The following CACNA2D3 variants were observed in gnomAD, a reference collection of about 807,000 sequenced individuals.
CACNA2D3 encodes the protein voltage-dependent calcium channel subunit alpha-2/delta-3.
Under a neutral mutation model 160.6 loss-of-function variants are expected in CACNA2D3, and 60 were observed. The ratio of observed to expected loss-of-function variants is 0.37; its 90% CI spans 0.30 to 0.46. The LOEUF (loss-of-function observed/expected upper bound fraction) is 0.46, where lower values mean the gene tolerates loss of function less well. Among genes scored for constraint, CACNA2D3 ranks in the 20% least tolerant of loss-of-function variants. The probability of loss-of-function intolerance (pLI) is 1.00; values close to 1 mark genes in which losing one functional copy is unlikely to be tolerated. For synonymous variants in CACNA2D3, 558 were observed against 492.9 expected, an observed-to-expected ratio of 1.13 and a Z score of -1.75; for missense variants, 1,205 against 1,365.0, an observed-to-expected ratio of 0.88 and a Z score of 1.85.
chr3:54,222,241 A>G (rs967189871), intron 2 of CACNA2D3, among the ~76,000 whole-genome samples: 3 of 152,216 alleles, frequency 2.0e-5, no homozygotes, highest in Non-Finnish European at 2.9e-5. Context: ...CTGATGGTGT[A>G]GTTCCAGTCT....
chr3:54,910,595 T>C (rs1301507530), intron 27 of CACNA2D3, among the ~76,000 whole-genome samples: 1 of 152,194 alleles, frequency 6.6e-6, no homozygotes, highest in Admixed American at 6.5e-5. Context: ...TCTCCCTAAC[T>C]AGTAAATGTT....
intron 31 of CACNA2D3, among the ~76,000 whole-genome samples, chr3:54,992,059 T>G (rs1702754832): frequency 6.6e-6 from 1 of 152,188 alleles, no homozygotes; most frequent in Admixed American, 6.5e-5. Context: ...ACCTGAACTC[T>G]CTTGTGCGTT....
intron 3 of CACNA2D3, among the ~76,000 whole-genome samples, chr3:54,340,520 G>A (rs756881436): frequency 3.9e-5 from 6 of 152,142 alleles, no homozygotes; most frequent in Admixed American, 2.0e-4. Context: ...AACAGAAAAC[G>A]TACCTTCTTC....
At chr3:54,135,514 T>C (rs1430139155) in intron 2 of CACNA2D3, among the ~76,000 whole-genome samples, 1 of 152,242 alleles carries the variant, frequency 6.6e-6, no homozygotes, top group African/African-American at 2.4e-5. Context: ...GTGAGAGTTA[T>C]ATGGATTTAA....
intron 2 of CACNA2D3, among the ~76,000 whole-genome samples, chr3:54,149,267 G>GCGCA (rs111927276): frequency 1.4e-5 from 2 of 144,328 alleles, no homozygotes; most frequent in African/African-American, 2.6e-5. Flanking sequence ...GGTCCCATGT[G>GCGCA]CACACACACA....
chr3:54,440,592 C>T (rs1027209789), intron 4 of CACNA2D3, among the ~76,000 whole-genome samples: 4 of 152,028 alleles, frequency 2.6e-5, no homozygotes, highest in Non-Finnish European at 4.4e-5. Flanking sequence ...CCCATTAACT[C>T]GTCATTTAAC....
chr3:54,194,238 C>A (rs1701033339), intron 2 of CACNA2D3, among the ~76,000 whole-genome samples: 1 of 152,070 alleles, frequency 6.6e-6, no homozygotes, highest in Non-Finnish European at 1.5e-5. Context: ...ATGTTCCCAA[C>A]ACATAGAAAT....
chr3:54,616,648 G>C (rs1361078938), intron 9 of CACNA2D3, among the ~76,000 whole-genome samples: 1 of 152,158 alleles, frequency 6.6e-6, no homozygotes, highest in Non-Finnish European at 1.5e-5. Context: ...ATGGTGTCAG[G>C]ATATTGATAA....
At position 54,418,710 on chromosome 3, in the gene CACNA2D3, A is replaced by G. The variant is rs187920023; in HGVS notation, c.381+31936A>G. ...TATATTTCTTACATGCCTAGTTTGT[A>G]TAGTTAGGAAGAGGATACCCTCCCT... On this transcript the variant is annotated intron_variant, in intron 4 of 37. Coordinates refer to ENST00000474759, the MANE Select transcript of CACNA2D3 (RefSeq NM_018398.3). Among the ~76,000 whole-genome samples, 204 of 152,300 alleles carry G rather than the reference A, an allele frequency of 1.3e-3. 2 individuals carry two copies. The highest frequency in any genetic ancestry group is 4.7e-3 in the African/African-American group (194 of 41,574).
intron 35 of CACNA2D3, among the ~76,000 whole-genome samples, chr3:55,046,104 CTT>C (rs563600446): frequency 1.5e-5 from 2 of 134,008 alleles, no homozygotes; most frequent in Non-Finnish European, 3.5e-5. Context: ...TTTTTAACGT[CTT>C]TTTTTTTATT....
Position 54,924,510 on chromosome 3 carries a change from A to C in CACNA2D3, c.2449+24642A>C, listed in dbSNP as rs1417935178. The C allele has an allele frequency of 5.5e-6, 5 of 915,682 alleles. No homozygotes were observed. In the African/African-American group the frequency reaches 8.3e-5, roughly 15 times the overall value. The allele number at this position is 915,682 out of a possible 1,614,324, so 56.7% of individuals were successfully genotyped here. A position where few individuals can be genotyped will look rare whatever the true frequency, so the allele number is the denominator to read the frequency against. ...AATGGCACCGATGTGTAAAAGCCCA[A>C]ATCCACCCCTTACACACTCCTCCAC... On this transcript the variant is annotated intron_variant, in intron 27 of 37. Transcript: ENST00000474759.
At chr3:54,721,986 C>CT (rs944354296) in intron 11 of CACNA2D3, among the ~76,000 whole-genome samples, 5 of 152,102 alleles carry the variant, frequency 3.3e-5, no homozygotes, top group Non-Finnish European at 7.4e-5. Context: ...GTTCTCCTGG[C>CT]TAATATCCTG....
intron 2 of CACNA2D3, among the ~76,000 whole-genome samples, chr3:54,126,823 A>G (rs910643050): frequency 2.6e-5 from 4 of 152,196 alleles, no homozygotes; most frequent in Admixed American, 2.6e-4. Context: ...GTTCACTTCA[A>G]CTTTTAATTA....
intron 17 of CACNA2D3, among the ~76,000 whole-genome samples, chr3:54,850,558 G>A (rs1420954277): frequency 6.6e-6 from 1 of 150,980 alleles, no homozygotes. Flanking sequence ...TTGCCCAACA[G>A]CGGATTGGTC....
intron 4 of CACNA2D3, among the ~76,000 whole-genome samples, chr3:54,502,761 A>C (rs1701314208): frequency 6.6e-6 from 1 of 152,248 alleles, no homozygotes; most frequent in South Asian, 2.1e-4. Flanking sequence ...GAATACTCAT[A>C]AAATCCACCT....
At chr3:54,879,250 C>A (rs971726384) in intron 19 of CACNA2D3, 100 bp from the exon 20 acceptor site, 7 of 938,308 alleles carry the variant, frequency 7.5e-6, no homozygotes, top group Admixed American at 4.7e-5. Flanking sequence ...TTAACCTGAT[C>A]ATAGTGTGTC....
intron 27 of CACNA2D3, among the ~76,000 whole-genome samples, chr3:54,914,170 T>C (rs1295931416): frequency 6.6e-6 from 1 of 152,130 alleles, no homozygotes; most frequent in African/African-American, 2.4e-5. Flanking sequence ...CTTTCCATGC[T>C]TCCATTTCTT....
chr3:54,470,945 A>T (rs1466196437), intron 4 of CACNA2D3, among the ~76,000 whole-genome samples: 1 of 152,132 alleles, frequency 6.6e-6, no homozygotes, highest in Non-Finnish European at 1.5e-5. Context: ...AGAGACTTAG[A>T]CTCCCACACA....
Position 54,386,470 on chromosome 3 carries a change from C to A in CACNA2D3, c.322-245C>A, listed in dbSNP as rs2359787. 5.8e-3 allele frequency among the ~76,000 whole-genome samples: 887 copies of A among 152,186 alleles called. 23 individuals carry two copies. The East Asian group carries it at 0.078, about 13-fold the overall frequency. ...TTGTTAGGTAAATGGATGCAGAACA[C>A]GTGTGCATTTATAAATGTGTACATA... On this transcript the variant is annotated intron_variant, in intron 3 of 37. Transcript: ENST00000474759.
Sources: gnomAD v4.1 joint callset for allele counts (sites outside exome capture counted in the v4.1 genomes callset) on GRCh38, gnomAD v4.1.1 for gene constraint, MANE v1.5 for transcripts, NCBI Gene and HGNC (gene_info 2026-07-23, HGNC 2026-07-21) for gene names.